UNC79: variants seen among roughly 807,000 people sequenced by gnomAD.
UNC79 encodes the protein protein unc-79 homolog.
In UNC79, 37 loss-of-function variants were observed where a neutral mutation model predicts 283.1. The observed-to-expected ratio is 0.13, with a 90% CI of 0.10 to 0.17. The LOEUF is 0.17. Ranked by LOEUF, UNC79 falls within the 10% of genes least tolerant of loss-of-function variation. The probability of loss-of-function intolerance (pLI) is 1.00; values close to 1 mark genes in which losing one functional copy is unlikely to be tolerated. For missense variants in UNC79, 2,272 were observed against 3,211.1 expected (o/e 0.71, Z 7.07); for synonymous variants, 1,107 against 1,200.2 (o/e 0.92, Z 1.61).
exon 37 of UNC79, chr14:93,653,992 G>A: frequency 6.2e-7 from 1 of 1,614,052 alleles, no homozygotes; most frequent in Non-Finnish European, 8.5e-7. Context: ...TCAATGAGCT[G>A]AGCTCCATCG....
chr14:93,701,001 G>A (rs993026135), intron 47 of UNC79, among the ~76,000 whole-genome samples: 2 of 152,096 alleles, frequency 1.3e-5, no homozygotes, highest in Non-Finnish European at 2.9e-5. Flanking sequence ...GATCTTTGGA[G>A]TTGTCTCTCT....
At chr14:93,676,668 G>A (rs917360241) in intron 41 of UNC79, among the ~76,000 whole-genome samples, 2 of 152,190 alleles carry the variant, frequency 1.3e-5, no homozygotes, top group African/African-American at 4.8e-5. Context: ...AACTGCTGGA[G>A]ACTGGTTTTC....
At chr14:93,396,250 G>A (rs1425903793) in intron 1 of UNC79, among the ~76,000 whole-genome samples, 1 of 149,178 alleles carries the variant, frequency 6.7e-6, no homozygotes, top group Non-Finnish European at 1.5e-5. Flanking sequence ...TTTTTTAAAA[G>A]TCTATCTCTT....
At chr14:93,520,294 A>G (rs1348787850) in intron 7 of UNC79, among the ~76,000 whole-genome samples, 1 of 151,788 alleles carries the variant, frequency 6.6e-6, no homozygotes, top group Non-Finnish European at 1.5e-5. Flanking sequence ...GTTCCCCTGT[A>G]AGTAATGTGT....
At chr14:93,471,428 G>T (rs1225974148) in intron 2 of UNC79, among the ~76,000 whole-genome samples, 1 of 152,124 alleles carries the variant, frequency 6.6e-6, no homozygotes, top group East Asian at 1.9e-4. Context: ...AAAAGGGAAA[G>T]GTGAAAAGCT....
chr14:93,499,595 T>C (rs2140656555), intron 7 of UNC79, among the ~76,000 whole-genome samples: 1 of 152,310 alleles, frequency 6.6e-6, no homozygotes, highest in East Asian at 1.9e-4. Flanking sequence ...GGCATTATTC[T>C]AGGCGCTTTT....
intron 14 of UNC79, among the ~76,000 whole-genome samples, chr14:93,566,784 CA>C (rs2062916016): frequency 3.3e-5 from 5 of 151,662 alleles, no homozygotes; most frequent in Non-Finnish European, 7.4e-5. Flanking sequence ...ACTACAGGCA[CA>C]CACCACCATG....
At chr14:93,675,380 C>T (rs748744026) in intron 41 of UNC79, among the ~76,000 whole-genome samples, 61 of 152,072 alleles carry the variant, frequency 4.0e-4, no homozygotes, top group Admixed American at 8.5e-4. Context: ...CTGCAGGGTG[C>T]TGGGGAAACA....
intron 1 of UNC79, among the ~76,000 whole-genome samples, chr14:93,351,655 G>GA (rs199881581): frequency 0.013 from 1,994 of 152,210 alleles, 55 homozygotes; most frequent in African/African-American, 0.046. Context: ...CGTAGAAACA[G>GA]AAAAAATAGG....
chr14:93,596,802 T>C (rs1166293414), intron 23 of UNC79, among the ~76,000 whole-genome samples: 1 of 152,226 alleles, frequency 6.6e-6, no homozygotes, highest in Non-Finnish European at 1.5e-5. Flanking sequence ...TTAACATTGA[T>C]TTGCAGAATA....
intron 14 of UNC79, among the ~76,000 whole-genome samples, chr14:93,567,507 G>C (rs1000386282): frequency 1.3e-5 from 2 of 152,160 alleles, no homozygotes; most frequent in African/African-American, 4.8e-5. Context: ...GATTACCGGT[G>C]TGAGCCACCA....
chr14:93,442,787 A>C (rs1223517380), intron 1 of UNC79, among the ~76,000 whole-genome samples: 1 of 152,210 alleles, frequency 6.6e-6, no homozygotes, highest in Non-Finnish European at 1.5e-5. Context: ...TACCACAATA[A>C]AGATAAAGAC....
In UNC79 at chr14:93,381,310, T is replaced by C. The variant is rs544287627; in HGVS notation, c.-351+47787T>C. ...TATCTGATGACGGATGTTGGGGTTG[T>C]GACTCCCCCCAGAAGGAGTGTGGGT... On this transcript the variant is annotated intron_variant, in intron 1 of 49. Transcript: ENST00000256339. Among the ~76,000 whole-genome samples, 10 of 152,356 alleles carry C rather than the reference T, an allele frequency of 6.6e-5. No individual in the cohort carries two copies. In the East Asian group the frequency reaches 1.9e-3, roughly 29 times the overall value.
At chr14:93,540,742 C>T (rs2061335490) in exon 13 of UNC79, 1 of 1,613,690 alleles carries the variant, frequency 6.2e-7, no homozygotes, top group African/African-American at 1.3e-5. Flanking sequence ...CTCCTCTTCC[C>T]ACCATTCCCT....
intron 29 of UNC79, among the ~76,000 whole-genome samples, chr14:93,619,689 T>G (rs1422255777): frequency 1.3e-5 from 2 of 152,192 alleles, no homozygotes; most frequent in African/African-American, 4.8e-5. Flanking sequence ...CAAGTTTCAT[T>G]TACTTGTAGA....
At chr14:93,514,887 A>G (rs2059984452) in intron 7 of UNC79, among the ~76,000 whole-genome samples, 1 of 152,216 alleles carries the variant, frequency 6.6e-6, no homozygotes, top group Non-Finnish European at 1.5e-5. Flanking sequence ...CAGTGGAAAG[A>G]TAAGTTCAAT....
Position 93,683,412 on chromosome 14 carries a change from T to C in UNC79, c.6819+718T>C, listed in dbSNP as rs116365513. 8.4e-3 allele frequency among the ~76,000 whole-genome samples: 1,271 copies of C among 152,204 alleles called. 19 individuals carry two copies. Among genetic ancestry groups the C allele is most frequent in the African/African-American group, 0.028 (1,171 of 41,496 alleles). On this transcript the variant is annotated intron_variant, in intron 42 of 48. Transcript: ENST00000555664. ...CAAGTCTAAAAGTGTGTGGTTTTTT[T>C]CCTACTCACATTCCATTGGCTAGAA... is the stretch of plus-strand genomic sequence containing the variant.
At chr14:93,424,725 G>C (rs1285321508) in intron 1 of UNC79, among the ~76,000 whole-genome samples, 1 of 151,844 alleles carries the variant, frequency 6.6e-6, no homozygotes, top group Admixed American at 6.6e-5. Flanking sequence ...GAATAGTGGG[G>C]GTGGAGGGGC....
At chr14:93,555,968 G>A (rs931255246) in intron 14 of UNC79, among the ~76,000 whole-genome samples, 1 of 152,104 alleles carries the variant, frequency 6.6e-6, no homozygotes, top group African/African-American at 2.4e-5. Context: ...TTGGGTTCAG[G>A]GTGGAGCCTT....
Sources: gnomAD v4.1 joint callset for allele counts (sites outside exome capture counted in the v4.1 genomes callset) on GRCh38, gnomAD v4.1.1 for gene constraint, MANE v1.5 for transcripts, NCBI Gene and HGNC (gene_info 2026-07-23, HGNC 2026-07-21) for gene names.